Variants in WIPF3 observed in about 807,000 individuals in gnomAD.
WIPF3 encodes the protein WAS/WASL-interacting protein family member 3.
WIPF3 carries 33 observed loss-of-function variants against 38.9 expected under a neutral mutation model. The observed-to-expected ratio is 0.85, with a 90% CI of 0.64 to 1.14. The LOEUF (loss-of-function observed/expected upper bound fraction) is 1.14, where lower values mean the gene tolerates loss of function less well. Ranked by LOEUF, WIPF3 falls within the 50% of genes most tolerant of loss-of-function variation. WIPF3 has a pLI of 0.00. For synonymous variants in WIPF3, 324 were observed against 269.3 expected, an observed-to-expected ratio of 1.20 and a Z score of -1.99; for missense variants, 711 against 652.5, an observed-to-expected ratio of 1.09 and a Z score of -0.98.
chr7:29,823,726 T>G lies in WIPF3; in HGVS notation c.-57-10942T>G, dbSNP rs1784574913. Reference sequence around the variant, plus strand: ...TGGATCGTGGGCGGTTTCTCATTATTGGTTTAGTGCCATCCCCTCATCGTT... The same window carrying G: ...TGGATCGTGGGCGGTTTCTCATTATGGGTTTAGTGCCATCCCCTCATCGTT... On this transcript the variant is annotated intron_variant, in intron 1 of 8. Coordinates refer to ENST00000242140, the MANE Select transcript of WIPF3 (RefSeq NM_001080529.3). This position sits in a 1 kb window ranked among gnomAD's most constrained non-coding sequence, Gnocchi z 4.0. Among the ~76,000 whole-genome samples the G allele has an allele frequency of 6.6e-6, 1 of 152,214 alleles. No homozygotes were observed. The highest frequency in any genetic ancestry group is 6.5e-5 in the Admixed American group (1 of 15,288).
chr7:29,851,148 C>T (rs778644364), intron 2 of WIPF3, among the ~76,000 whole-genome samples: 2 of 152,090 alleles, frequency 1.3e-5, no homozygotes, highest in South Asian at 2.1e-4. Flanking sequence ...TTGCCAGGCC[C>T]GACCTTGCCG....
At chr7:29,911,178 G>T (rs1029602273) in intron 8 of WIPF3, among the ~76,000 whole-genome samples, 3 of 152,068 alleles carry the variant, frequency 2.0e-5, no homozygotes, top group Non-Finnish European at 4.4e-5. Context: ...GCATAGAAAA[G>T]AATGAAATAC....
intron 2 of WIPF3, among the ~76,000 whole-genome samples, chr7:29,851,660 T>C (rs73686248): frequency 0.025 from 3,847 of 152,344 alleles, 144 homozygotes; most frequent in African/African-American, 0.079. Context: ...AATGTCGTTC[T>C]TTCCTGCTGT....
rs184646721 is a variant in WIPF3, at chr7:29,893,065, A to G, written c.1351+3658A>G. 4.9e-3 allele frequency among the ~76,000 whole-genome samples: 736 copies of G among 150,862 alleles called. 6 individuals carry two copies. Among genetic ancestry groups the G allele is most frequent in the African/African-American group, 0.017 (715 of 40,924 alleles). ...GGGTGACAAGAGCAAAATTCCATCT[A>G]AAAACAAAAAACAAAAAAAAAAGAG... On this transcript the variant is annotated intron_variant, in intron 7 of 8. Coordinates refer to ENST00000242140, the MANE Select transcript of WIPF3 (RefSeq NM_001080529.3).
chr7:29,874,832 AC>A (rs1337066192), intron 2 of WIPF3, among the ~76,000 whole-genome samples: 1 of 152,158 alleles, frequency 6.6e-6, no homozygotes, highest in Non-Finnish European at 1.5e-5. Context: ...ATAGGACAAA[AC>A]TTTTTCCTGC....
intron 8 of WIPF3, among the ~76,000 whole-genome samples, chr7:29,910,474 C>T (rs2190085): frequency 0.67 from 101,317 of 151,928 alleles, 34,849 homozygotes; most frequent in East Asian, 0.89. Context: ...ACAAGAAAAC[C>T]GTAGACCAAT....
At chr7:29,818,226 G>T (rs1784485530) in intron 1 of WIPF3, among the ~76,000 whole-genome samples, 1 of 152,006 alleles carries the variant, frequency 6.6e-6, no homozygotes, top group Non-Finnish European at 1.5e-5. Flanking sequence ...CCGAGGTGGG[G>T]TGGATCACCT....
intron 2 of WIPF3, among the ~76,000 whole-genome samples, chr7:29,846,676 C>A (rs1583601135): frequency 6.6e-6 from 1 of 152,248 alleles, no homozygotes; most frequent in African/African-American, 2.4e-5. Flanking sequence ...GTACTCCAGC[C>A]TGGAAGACAA....
chr7:29,916,243 AAC>A lies in WIPF3; in HGVS notation c.*1729_*1730del, dbSNP rs373949563. Reference sequence around the variant, plus strand: ...CCAAAAAGCCAGAATTTATTATTATAACAGTGTCCACTCCACTGCCCTCACAG... The same window carrying A: ...CCAAAAAGCCAGAATTTATTATTATAAGTGTCCACTCCACTGCCCTCACAG... On this transcript the variant is annotated 3_prime_UTR_variant, in exon 9 of 9. Transcript: ENST00000242140. 784 of 152,334 alleles carry A rather than the reference AAC, an allele frequency of 5.1e-3. 5 individuals are homozygous for A. The highest frequency in any genetic ancestry group is 0.018 in the African/African-American group (738 of 41,570). 9.4% of individuals were successfully genotyped at this position (152,334 alleles called of 1,614,324 possible). A position where few individuals can be genotyped will look rare whatever the true frequency, so the allele number is the denominator to read the frequency against.
chr7:29,821,752 C>G (rs1367937465), intron 1 of WIPF3, among the ~76,000 whole-genome samples: 1 of 152,166 alleles, frequency 6.6e-6, no homozygotes. Context: ...CTAGCAGTTT[C>G]TCTCTAATCC....
chr7:29,845,815 A>G (rs174938), intron 2 of WIPF3, among the ~76,000 whole-genome samples: 80,821 of 152,100 alleles, frequency 0.53, 23,267 homozygotes, highest in East Asian at 0.79. Flanking sequence ...AGGACGTAGT[A>G]GGCACTCAGT....
At chr7:29,811,293 C>T (rs1030005443) in intron 1 of WIPF3, among the ~76,000 whole-genome samples, 3 of 127,954 alleles carry the variant, frequency 2.3e-5, no homozygotes, top group African/African-American at 9.0e-5. Context: ...TGATGATGAT[C>T]TGATGCTTTT....
chr7:29,859,689 G>A (rs1047373069), intron 2 of WIPF3, among the ~76,000 whole-genome samples: 2 of 152,140 alleles, frequency 1.3e-5, no homozygotes, highest in Non-Finnish European at 2.9e-5. Context: ...GCGTCAAGCG[G>A]GAGGTCTGAG....
At chr7:29,890,367 AAAAAAGAG>A (rs66811196) in intron 7 of WIPF3, among the ~76,000 whole-genome samples, 91,027 of 144,088 alleles carry the variant, frequency 0.63, 28,801 homozygotes, top group South Asian at 0.79. Context: ...AAAAAAAAAA[AAAAAAGAG>A]AGAGAGAGAA....
chr7:29,826,523 C>T (rs928468596), intron 1 of WIPF3, among the ~76,000 whole-genome samples: 12 of 152,142 alleles, frequency 7.9e-5, no homozygotes, highest in Admixed American at 1.3e-4. Context: ...AGTGTATAAA[C>T]ATTTTAAAAT....
At chr7:29,836,145 G>A (rs982812039) in intron 2 of WIPF3, among the ~76,000 whole-genome samples, 2 of 152,198 alleles carry the variant, frequency 1.3e-5, no homozygotes, top group Non-Finnish European at 2.9e-5. Flanking sequence ...TATAAACAAA[G>A]AATAGGAATA....
intron 1 of WIPF3, among the ~76,000 whole-genome samples, chr7:29,820,113 T>C (rs1784514055): frequency 6.6e-6 from 1 of 152,122 alleles, no homozygotes; most frequent in Non-Finnish European, 1.5e-5. Context: ...TTGATCTGAA[T>C]ATACATTTGC....
intron 5 of WIPF3, among the ~76,000 whole-genome samples, chr7:29,886,347 CTTTTTTTTTTTTTTT>C (rs11337399): frequency 3.9e-4 from 18 of 46,572 alleles, no homozygotes; most frequent in African/African-American, 1.6e-3. Context: ...AAAGACAAAG[CTTTTTTTTTTTTTTT>C]TTTTTTTTTT....
chr7:29,909,582 A>G (rs142849059), intron 8 of WIPF3, among the ~76,000 whole-genome samples: 1 of 152,280 alleles, frequency 6.6e-6, no homozygotes, highest in African/African-American at 2.4e-5. Context: ...CACAAAACCT[A>G]CCAAGACCAA....
Sources: allele counts gnomAD v4.1 joint callset (sites outside exome capture counted in the v4.1 genomes callset), GRCh38; gene constraint gnomAD v4.1.1; non-coding constraint Gnocchi (gnomAD v3.1); transcripts MANE v1.5; gene names NCBI Gene and HGNC (gene_info 2026-07-23, HGNC 2026-07-21).